Variants in GPALPP1 observed in about 807,000 individuals in gnomAD.
GPALPP1 encodes the protein GPALPP motifs containing 1, also known as GPALPP motifs-containing protein 1.
In GPALPP1, 30 loss-of-function variants were observed where a neutral mutation model predicts 38.9. The ratio of observed to expected loss-of-function variants is 0.77; its 90% CI spans 0.58 to 1.05. The LOEUF (loss-of-function observed/expected upper bound fraction) is 1.05, where lower values mean the gene tolerates loss of function less well. Ranked by LOEUF, GPALPP1 falls within the 50% of genes least tolerant of loss-of-function variation. The pLI, the probability that GPALPP1 is intolerant of heterozygous loss-of-function variation, is 0.00. For synonymous variants in GPALPP1, 120 were observed against 139.2 expected (o/e 0.86, Z 0.97); for missense variants, 384 against 408.8 (o/e 0.94, Z 0.52).
At chr13:45,025,277 G>C (rs1875755614) in intron 7 of GPALPP1, among the ~76,000 whole-genome samples, 1 of 152,088 alleles carries the variant, frequency 6.6e-6, no homozygotes, top group Non-Finnish European at 1.5e-5. Flanking sequence ...TCAGTTCTTT[G>C]AACAATTTGA....
At chr13:45,006,688 AAC>A (rs1462374547) in intron 3 of GPALPP1, among the ~76,000 whole-genome samples, 1 of 152,166 alleles carries the variant, frequency 6.6e-6, no homozygotes, top group Non-Finnish European at 1.5e-5. Context: ...CAATAGAAGA[AAC>A]ACATCCCCAT....
intron 4 of GPALPP1, 62 bp downstream of exon 4, chr13:45,008,941 T>C (rs1338345762): frequency 2.0e-6 from 2 of 987,214 alleles, no homozygotes; most frequent in Admixed American, 1.8e-5. Context: ...ATAAGATGTA[T>C]TGTAACAAAC....
At chr13:44,992,953 C>A (rs1040934062) in intron 1 of GPALPP1, among the ~76,000 whole-genome samples, 11 of 152,194 alleles carry the variant, frequency 7.2e-5, no homozygotes, top group Non-Finnish European at 1.6e-4. Context: ...TCCCCATTCT[C>A]CCCTCTGACC....
At chr13:45,017,586 A>G (rs898295903) in intron 6 of GPALPP1, among the ~76,000 whole-genome samples, 18 of 152,266 alleles carry the variant, frequency 1.2e-4, no homozygotes, top group South Asian at 8.3e-4. Flanking sequence ...TTGTGTCCAT[A>G]TTTATTTGTT....
intron 4 of GPALPP1, among the ~76,000 whole-genome samples, chr13:45,012,726 T>C (rs1874569960): frequency 6.6e-6 from 1 of 152,202 alleles, no homozygotes; most frequent in African/African-American, 2.4e-5. Flanking sequence ...GTTCTTGCTC[T>C]GATTGTTTGC....
At chr13:44,992,007 G>A (rs1872838913) in intron 1 of GPALPP1, among the ~76,000 whole-genome samples, 1 of 152,112 alleles carries the variant, frequency 6.6e-6, no homozygotes, top group South Asian at 2.1e-4. Flanking sequence ...TCCATTTTAC[G>A]TTGGATGAAC....
chr13:44,989,736 A>G lies in GPALPP1; in HGVS notation c.82A>G (p.Ser28Gly). The G allele has an allele frequency of 1.2e-6, 2 of 1,607,080 alleles. No homozygotes were observed. Among genetic ancestry groups the G allele is most frequent in the Non-Finnish European group, 1.7e-6 (2 of 1,178,628 alleles). The change falls in exon 1 of 8, where the codon AGC becomes GGC. Residue 28 changes from serine (S) to glycine (G), a missense_variant. Coordinates refer to ENST00000379151, the MANE Select transcript of GPALPP1 (RefSeq NM_018559.5). ...GTAEDEERDP[S>G]PVAGPALPPN... ...AGCGGAGGACGAAGAGCGGGACCCG[A>G]GCCCTGGTAAGCGGCGGCGTCTCCG...
intron 3 of GPALPP1, among the ~76,000 whole-genome samples, 173 bp downstream of exon 3, chr13:45,006,476 T>C (rs1394506826): frequency 6.6e-6 from 1 of 152,224 alleles, no homozygotes. Flanking sequence ...AAATAATTAT[T>C]TACATGTTTA....
intron 1 of GPALPP1, among the ~76,000 whole-genome samples, chr13:44,994,797 A>G (rs1873126254): frequency 6.6e-6 from 1 of 152,174 alleles, no homozygotes; most frequent in African/African-American, 2.4e-5. Flanking sequence ...CATTGTTCAG[A>G]ATATCACATT....
chr13:45,028,696 C>G lies in GPALPP1; in HGVS notation c.*693C>G, dbSNP rs1191921135. ...CCTTGAGCCCAGGAATTCAAGGCAG[C>G]AGTGAGCTGTGATTGTGCCATTGCA... On this transcript the variant is annotated 3_prime_UTR_variant, in exon 8 of 8. Coordinates refer to ENST00000379151, the MANE Select transcript of GPALPP1 (RefSeq NM_018559.5). 1 of 152,030 alleles carries G rather than the reference C, an allele frequency of 6.6e-6. No homozygotes were observed. The highest frequency in any genetic ancestry group is 2.4e-5 in the African/African-American group (1 of 41,262). The allele number at this position is 152,030 out of a possible 1,614,324, so 9.4% of individuals were successfully genotyped here. A position where few individuals can be genotyped will look rare whatever the true frequency, so the allele number is the denominator to read the frequency against.
chr13:44,993,402 G>C (rs1442513013), intron 1 of GPALPP1, among the ~76,000 whole-genome samples: 1 of 152,174 alleles, frequency 6.6e-6, no homozygotes, highest in Non-Finnish European at 1.5e-5. Flanking sequence ...TTGGGAGACC[G>C]AGGCAGGTGA....
At chr13:44,994,438 C>A (rs1399670687) in intron 1 of GPALPP1, among the ~76,000 whole-genome samples, 1 of 150,810 alleles carries the variant, frequency 6.6e-6, no homozygotes, top group Admixed American at 6.6e-5. Flanking sequence ...AAAAATTACC[C>A]AGGTGTGGTG....
At position 45,030,276 on chromosome 13, in the gene GPALPP1, T is replaced by C. The variant is rs1876129556; in HGVS notation, c.*2273T>C. 2.0e-5 allele frequency: 3 copies of C among 152,238 alleles called. No homozygotes were observed. The South Asian group carries it at 6.2e-4, about 31-fold the overall frequency. The allele number at this position is 152,238 out of a possible 1,614,324, so 9.4% of individuals were successfully genotyped here. ...AAATTCTATTTAAACTATTAAACTA[T>C]TGTTAAATAAATGCCAATTCTATAA... On this transcript the variant is annotated 3_prime_UTR_variant, in exon 8 of 8. Coordinates refer to ENST00000379151, the MANE Select transcript of GPALPP1 (RefSeq NM_018559.5).
At chr13:45,022,019 T>A (rs1451005491) in intron 7 of GPALPP1, among the ~76,000 whole-genome samples, 1 of 152,242 alleles carries the variant, frequency 6.6e-6, no homozygotes, top group African/African-American at 2.4e-5. Context: ...TGTTCATAGA[T>A]GCTTTATTCA....
intron 1 of GPALPP1, among the ~76,000 whole-genome samples, chr13:44,995,926 G>T (rs1002692001): frequency 1.3e-5 from 2 of 152,112 alleles, no homozygotes; most frequent in Non-Finnish European, 2.9e-5. Flanking sequence ...TTATTGTGCT[G>T]GATTGTTTGC....
intron 7 of GPALPP1, 105 bp downstream of exon 7, chr13:45,020,533 C>A: frequency 1.6e-6 from 1 of 644,388 alleles, no homozygotes; most frequent in Admixed American, 2.8e-5. Flanking sequence ...ACGAAGAGTT[C>A]AAGGCCAGCT....
intron 7 of GPALPP1, among the ~76,000 whole-genome samples, chr13:45,021,440 A>G (rs1351379584): frequency 6.6e-6 from 1 of 152,196 alleles, no homozygotes; most frequent in African/African-American, 2.4e-5. Flanking sequence ...CTATCATTCA[A>G]CCCAAATTAT....
At chr13:45,024,708 C>T (rs1875714760) in intron 7 of GPALPP1, among the ~76,000 whole-genome samples, 1 of 150,934 alleles carries the variant, frequency 6.6e-6, no homozygotes, top group Admixed American at 6.6e-5. Context: ...GCAGGCAGAT[C>T]GTGAGGTCAG....
intron 4 of GPALPP1, among the ~76,000 whole-genome samples, chr13:45,011,835 A>G (rs1302926258): frequency 6.6e-6 from 1 of 152,188 alleles, no homozygotes; most frequent in African/African-American, 2.4e-5. Flanking sequence ...ACTCCTTTCT[A>G]ACAAGGGCGT....
Sources: gnomAD v4.1 joint callset for allele counts (sites outside exome capture counted in the v4.1 genomes callset) on GRCh38, gnomAD v4.1.1 for gene constraint, MANE v1.5 for transcripts, NCBI Gene and HGNC (gene_info 2026-07-23, HGNC 2026-07-21) for gene names.